Variants in SAMTOR observed in about 807,000 individuals in gnomAD.
SAMTOR encodes S-adenosylmethionine sensor upstream of mTORC1.
At chr7:112,876,073 A>G in the SAMTOR span, among the ~76,000 whole-genome samples, 1 of 151,980 alleles carries the variant, frequency 6.6e-6, no homozygotes, top group Admixed American at 6.5e-5. Flanking sequence ...TGATCCTCCC[A>G]CCTCAGCGTC....
At chr7:112,938,851 A>G in the SAMTOR span, among the ~76,000 whole-genome samples, 1 of 152,220 alleles carries the variant, frequency 6.6e-6, no homozygotes, top group African/African-American at 2.4e-5. Flanking sequence ...CCGGAACCCC[A>G]TCCATGGAAG....
chr7:112,910,762 A>C, the SAMTOR span, among the ~76,000 whole-genome samples: 1 of 152,168 alleles, frequency 6.6e-6, no homozygotes, highest in Non-Finnish European at 1.5e-5. Context: ...CTTTCAGTTT[A>C]CAGGAAATAA....
chr7:112,933,737 G>A, the SAMTOR span, among the ~76,000 whole-genome samples: 2 of 152,124 alleles, frequency 1.3e-5, no homozygotes, highest in African/African-American at 4.8e-5. Context: ...AGAATCACAT[G>A]AGGGACATTA....
the SAMTOR span, among the ~76,000 whole-genome samples, chr7:112,917,674 A>T: frequency 6.6e-6 from 1 of 152,316 alleles, no homozygotes; most frequent in East Asian, 1.9e-4. Context: ...AATTCAAACC[A>T]AAGGCAAAGA....
At chr7:112,927,660 A>G in the SAMTOR span, among the ~76,000 whole-genome samples, 1 of 152,022 alleles carries the variant, frequency 6.6e-6, no homozygotes, top group Admixed American at 6.5e-5. Flanking sequence ...AAAATCTGCA[A>G]TGGGTACACA....
chr7:112,925,502 T>A, the SAMTOR span, among the ~76,000 whole-genome samples: 1 of 152,200 alleles, frequency 6.6e-6, no homozygotes, highest in East Asian at 1.9e-4. Flanking sequence ...GTCTAAAGAA[T>A]GTACAACTTG....
At chr7:112,902,010 A>G in the SAMTOR span, among the ~76,000 whole-genome samples, 4 of 152,188 alleles carry the variant, frequency 2.6e-5, no homozygotes, top group African/African-American at 7.2e-5. Flanking sequence ...TTAAATGCTA[A>G]TTACTAAGTA....
chr7:112,875,143 G>A, the SAMTOR span, among the ~76,000 whole-genome samples: 3 of 152,116 alleles, frequency 2.0e-5, no homozygotes, highest in African/African-American at 7.2e-5. Context: ...TCATTACCCT[G>A]TGCTTATAAA....
chr7:112,908,330 T>C, the SAMTOR span, among the ~76,000 whole-genome samples: 6 of 152,198 alleles, frequency 3.9e-5, no homozygotes, highest in African/African-American at 1.4e-4. Context: ...TGACTGCCTT[T>C]GAACTGGGAC....
At chr7:112,913,787 C>T in the SAMTOR span, among the ~76,000 whole-genome samples, 2 of 148,980 alleles carry the variant, frequency 1.3e-5, no homozygotes, top group Non-Finnish European at 2.9e-5. Flanking sequence ...GTAGGGCTGG[C>T]TTACTGTCTC....
the SAMTOR span, among the ~76,000 whole-genome samples, chr7:112,822,873 T>C: frequency 6.6e-6 from 1 of 152,162 alleles, no homozygotes; most frequent in Non-Finnish European, 1.5e-5. Context: ...CTGTTAACTT[T>C]AACCATTTAA....
At chr7:112,830,215 T>A in the SAMTOR span, among the ~76,000 whole-genome samples, 1 of 152,134 alleles carries the variant, frequency 6.6e-6, no homozygotes, top group Non-Finnish European at 1.5e-5. Context: ...TTGTTTTCCA[T>A]CTCTCAGAGA....
At chr7:112,853,832 A>C in the SAMTOR span, among the ~76,000 whole-genome samples, 1 of 152,154 alleles carries the variant, frequency 6.6e-6, no homozygotes, top group African/African-American at 2.4e-5. Context: ...TCTATGGTTA[A>C]AATACTTTGA....
At chr7:112,821,623 T>TA in the SAMTOR span, 1 of 951,758 alleles carries the variant, frequency 1.1e-6, no homozygotes, top group Non-Finnish European at 1.5e-6. Context: ...GCAAACTCTG[T>TA]AAACCTCTGC....
chr7:112,939,680 G>C, the SAMTOR span: 3 of 1,613,000 alleles, frequency 1.9e-6, no homozygotes, highest in South Asian at 2.2e-5. Flanking sequence ...CTGCTCCCGG[G>C]GCGGCGGAGT....
chr7:112,915,232 G>A, the SAMTOR span: 64 of 1,430,668 alleles, frequency 4.5e-5, 1 homozygote, highest in Admixed American at 9.1e-4. Context: ...GCAAGACTCC[G>A]TCTCAGGAAA....
chr7:112,883,749 A>T, the SAMTOR span, among the ~76,000 whole-genome samples: 1 of 152,232 alleles, frequency 6.6e-6, no homozygotes, highest in South Asian at 2.1e-4. Context: ...TACTTCTGCC[A>T]TGGCAAGTAC....
At chr7:112,927,943 T>C in the SAMTOR span, among the ~76,000 whole-genome samples, 2 of 152,042 alleles carry the variant, frequency 1.3e-5, no homozygotes, top group African/African-American at 4.8e-5. Context: ...TTGAATCTTA[T>C]ATCAAGATAA....
At chr7:112,833,615 A>G in the SAMTOR span, among the ~76,000 whole-genome samples, 11 of 152,168 alleles carry the variant, frequency 7.2e-5, no homozygotes, top group Non-Finnish European at 1.5e-5. Context: ...TAGTAAACTG[A>G]GTAGCAAAAC....
Sources: gnomAD v4.1 joint callset for allele counts (sites outside exome capture counted in the v4.1 genomes callset) on GRCh38, gnomAD v4.1.1 for gene constraint, MANE v1.5 for transcripts, NCBI Gene and HGNC (gene_info 2026-07-23, HGNC 2026-07-21) for gene names.